The following RAB11FIP3 variants were observed in gnomAD, a reference collection of about 807,000 sequenced individuals.
RAB11FIP3 encodes rab11 family-interacting protein 3.
RAB11FIP3 carries 17 observed loss-of-function variants against 77.8 expected under a neutral mutation model. The observed-to-expected ratio is 0.22, with a 90% CI of 0.15 to 0.33. The LOEUF (loss-of-function observed/expected upper bound fraction) is 0.33. Among genes scored for constraint, RAB11FIP3 ranks in the 10% least tolerant of loss-of-function variants. The probability of loss-of-function intolerance (pLI) is 1.00; values close to 1 mark genes in which losing one functional copy is unlikely to be tolerated. For synonymous variants in RAB11FIP3, 437 were observed against 448.2 expected (o/e 0.98, Z 0.31); for missense variants, 1,005 against 1,011.2 (o/e 0.99, Z 0.08).
intron 4 of RAB11FIP3, among the ~76,000 whole-genome samples, chr16:488,312 G>A (rs891954176): frequency 2.6e-5 from 4 of 152,192 alleles, no homozygotes; most frequent in Non-Finnish European, 4.4e-5. Flanking sequence ...CCCGGGAGGC[G>A]GAGCTGGCAG....
intron 1 of RAB11FIP3, chr16:439,477 G>A (rs1264769679): frequency 6.6e-6 from 1 of 152,220 alleles, no homozygotes; most frequent in Non-Finnish European, 1.5e-5. Flanking sequence ...TCAAAACAGG[G>A]CTCATGTTGA....
chr16:494,029 G>T (rs1417173008), intron 5 of RAB11FIP3, among the ~76,000 whole-genome samples: 2 of 114,822 alleles, frequency 1.7e-5, no homozygotes, highest in African/African-American at 7.6e-5. Flanking sequence ...TCAGCCTCCC[G>T]AGTAGCTGGG....
intron 6 of RAB11FIP3, among the ~76,000 whole-genome samples, chr16:502,314 C>T (rs576622467): frequency 9.8e-5 from 15 of 152,354 alleles, no homozygotes; most frequent in Non-Finnish European, 1.6e-4. Flanking sequence ...TGGGCCTTTG[C>T]GTCTACTCAG....
chr16:468,565 G>C (rs2055758137), intron 2 of RAB11FIP3, among the ~76,000 whole-genome samples: 1 of 152,106 alleles, frequency 6.6e-6, no homozygotes, highest in African/African-American at 2.4e-5. Flanking sequence ...GGCTGCAGCA[G>C]CCTGTGTTGT....
At chr16:465,897 GC>G (rs2055694216) in intron 2 of RAB11FIP3, among the ~76,000 whole-genome samples, 1 of 152,174 alleles carries the variant, frequency 6.6e-6, no homozygotes, top group South Asian at 2.1e-4. Context: ...GAGCCACCGC[GC>G]CCGGCCAGCA....
chr16:499,753 A>G (rs2031385590), intron 6 of RAB11FIP3, among the ~76,000 whole-genome samples: 1 of 144,348 alleles, frequency 6.9e-6, no homozygotes, highest in Non-Finnish European at 1.5e-5. Flanking sequence ...AGCCCAGATC[A>G]CGCCACTGCA....
rs760275499 is a variant in RAB11FIP3, at chr16:488,988, T to C, written c.1253T>C (p.Phe418Ser). 1.9e-6 allele frequency: 3 copies of C among 1,613,814 alleles called. No homozygotes were observed. The highest frequency in any genetic ancestry group is 2.5e-6 in the Non-Finnish European group (3 of 1,179,896). ...NGQLGCSDPA[F>S]LTPSPTKRLS... ...CAGCTGGGCTGCAGTGACCCCGCTT[T>C]CCTCACGCCCAGGTAATGACGCCTT... is the stretch of plus-strand genomic sequence containing the variant. Residue 418 changes from phenylalanine (F) to serine (S), a missense_variant, in exon 5 of 14, where the codon TTC (phenylalanine) becomes TCC (serine). By Grantham distance (155) the Phe-to-Ser change is radical. Coordinates refer to ENST00000262305, the MANE Select transcript of RAB11FIP3 (RefSeq NM_014700.4).
chr16:462,045 A>G (rs1284023412), intron 2 of RAB11FIP3, among the ~76,000 whole-genome samples: 1 of 152,176 alleles, frequency 6.6e-6, no homozygotes, highest in Non-Finnish European at 1.5e-5. Flanking sequence ...AGTGAAATGT[A>G]CAGCTCACAC....
At chr16:453,185 G>A (rs183142872) in intron 1 of RAB11FIP3, among the ~76,000 whole-genome samples, 2 of 149,876 alleles carry the variant, frequency 1.3e-5, no homozygotes, top group African/African-American at 2.5e-5. Flanking sequence ...AGTGATTCTC[G>A]TGCCTCAGCC....
chr16:450,656 C>T (rs2055392227), intron 1 of RAB11FIP3, among the ~76,000 whole-genome samples: 1 of 152,244 alleles, frequency 6.6e-6, no homozygotes, highest in East Asian at 1.9e-4. Flanking sequence ...CTTTTTTGTA[C>T]AGGGAAGGGA....
intron 1 of RAB11FIP3, among the ~76,000 whole-genome samples, chr16:446,097 C>A (rs562563838): frequency 6.6e-6 from 1 of 152,118 alleles, no homozygotes; most frequent in East Asian, 1.9e-4. Flanking sequence ...CTAAAGATCA[C>A]CCTGGGTGCT....
At chr16:503,160 G>T (rs1265330754) in intron 7 of RAB11FIP3, 63 bp downstream of exon 7, 1 of 1,373,470 alleles carries the variant, frequency 7.3e-7, no homozygotes. Flanking sequence ...ACGCCTAAGG[G>T]CCGCTGCAGA....
Position 426,473 on chromosome 16 carries a change from G to T in RAB11FIP3, c.467G>T (p.Gly156Val). Residue 156 changes from glycine to valine, a missense_variant, in exon 1 of 14, where the codon GGC becomes GTC. Physicochemically the swap from Gly to Val is moderately radical, Grantham distance 109. Transcript: ENST00000262305. The surrounding 1 kb of genome is among the most constrained non-coding windows in gnomAD (Gnocchi z 5.0). The part of the protein sequence containing the change: ...QGSSSSHRAR[G>V]EVDVFSPFPA... ...TCCAGCAGCAGCCACCGAGCGCGGGGCGAGGTCGACGTCTTCTCTCCCTTC... is the reference window on the plus strand; with the variant it reads ...TCCAGCAGCAGCCACCGAGCGCGGGTCGAGGTCGACGTCTTCTCTCCCTTC... The T allele has an allele frequency of 6.3e-7, 1 of 1,581,188 alleles. No individual in the cohort carries two copies. Among genetic ancestry groups the T allele is most frequent in the Non-Finnish European group, 8.6e-7 (1 of 1,164,700 alleles).
At chr16:488,168 C>T (rs1220321343) in intron 4 of RAB11FIP3, among the ~76,000 whole-genome samples, 1 of 152,180 alleles carries the variant, frequency 6.6e-6, no homozygotes, top group East Asian at 1.9e-4. Context: ...ATCACGAGGT[C>T]AGGAGATCGA....
chr16:512,789 C>T (rs945543118), intron 9 of RAB11FIP3, among the ~76,000 whole-genome samples: 4 of 151,406 alleles, frequency 2.6e-5, no homozygotes, highest in East Asian at 3.9e-4. Flanking sequence ...GTAATCCACC[C>T]GCCTCAGCCT....
rs569348877 is a variant in RAB11FIP3, at chr16:521,112, C to T, written c.*273C>T. The T allele has an allele frequency of 7.6e-6, 4 of 523,774 alleles. No individual in the cohort carries two copies. The highest frequency in any genetic ancestry group is 4.6e-5 in the South Asian group (2 of 43,476). 32.4% of individuals were successfully genotyped at this position (523,774 alleles called of 1,614,324 possible). ...GGGCCGTCCATCAGCGCTGACCTTC[C>T]GGGGGCCCAGAGCTTCCCAGCCCTG... On this transcript the variant is annotated 3_prime_UTR_variant, in exon 14 of 14. Transcript: ENST00000262305.
intron 1 of RAB11FIP3, among the ~76,000 whole-genome samples, chr16:456,752 A>T (rs568568980): frequency 6.6e-6 from 1 of 152,206 alleles, no homozygotes; most frequent in Non-Finnish European, 1.5e-5. Flanking sequence ...GTGAGACTCC[A>T]TCTCAACAAC....
At position 474,119 on chromosome 16, in the gene RAB11FIP3, TA is replaced by T. The variant is rs905651007; in HGVS notation, c.903+2741del. Among the ~76,000 whole-genome samples, 592 of 146,364 alleles carry T rather than the reference TA, an allele frequency of 4.0e-3. 1 individual carries two copies. Among genetic ancestry groups the T allele is most frequent in the African/African-American group, 0.012 (475 of 40,038 alleles). ...AAACAGCTTGCACATCATGTCATCT[TA>T]AAAAAAAAAAGTCTAATAAAGATAT... On this transcript the variant is annotated intron_variant, in intron 3 of 13. Coordinates refer to ENST00000262305, the MANE Select transcript of RAB11FIP3 (RefSeq NM_014700.4).
intron 1 of RAB11FIP3, among the ~76,000 whole-genome samples, chr16:432,971 T>G (rs551125798): frequency 2.0e-5 from 3 of 147,976 alleles, no homozygotes; most frequent in Non-Finnish European, 3.0e-5. Flanking sequence ...TGTGGTATTT[T>G]GTTACAGGCA....
Sources: allele counts gnomAD v4.1 joint callset (sites outside exome capture counted in the v4.1 genomes callset), GRCh38; gene constraint gnomAD v4.1.1; non-coding constraint Gnocchi (gnomAD v3.1); transcripts MANE v1.5; gene names NCBI Gene and HGNC (gene_info 2026-07-23, HGNC 2026-07-21).